The following ABHD17C variants were observed in gnomAD, a reference collection of about 807,000 sequenced individuals.
ABHD17C encodes abhydrolase domain containing 17C, depalmitoylase.
Under a neutral mutation model 27.9 loss-of-function variants are expected in ABHD17C, and 11 were observed. The ratio of observed to expected loss-of-function variants is 0.39; its 90% confidence interval spans 0.25 to 0.65. The LOEUF (loss-of-function observed/expected upper bound fraction) is 0.65. Among genes scored for constraint, ABHD17C ranks in the 30% least tolerant of loss-of-function variants. The probability of loss-of-function intolerance (pLI) is 0.45; values close to 1 mark genes in which losing one functional copy is unlikely to be tolerated. For missense variants in ABHD17C, 280 were observed against 470.2 expected, an observed-to-expected ratio of 0.60 and a Z score of 3.74; for synonymous variants, 233 against 209.1, an observed-to-expected ratio of 1.11 and a Z score of -0.98.
At chr15:80,702,255 C>T (rs1025528596) in intron 1 of ABHD17C, among the ~76,000 whole-genome samples, 2 of 152,086 alleles carry the variant, frequency 1.3e-5, no homozygotes, top group African/African-American at 4.8e-5. Context: ...GTCTCAGTTA[C>T]TGGGAGGCTG....
chr15:80,752,194 T>C (rs1218895508), intron 2 of ABHD17C, among the ~76,000 whole-genome samples: 4 of 152,204 alleles, frequency 2.6e-5, no homozygotes, highest in African/African-American at 9.6e-5. Context: ...TTTTTAATTG[T>C]GTATAATTGA....
At chr15:80,703,605 A>G (rs1894603918) in intron 1 of ABHD17C, 1 of 152,166 alleles carries the variant, frequency 6.6e-6, no homozygotes, top group African/African-American at 2.4e-5. Flanking sequence ...AGAATCTCCT[A>G]GGTAGATTTT....
intron 1 of ABHD17C, among the ~76,000 whole-genome samples, chr15:80,712,989 C>T (rs533146141): frequency 2.6e-5 from 4 of 152,228 alleles, no homozygotes; most frequent in African/African-American, 9.6e-5. Flanking sequence ...ATGGCGGTCT[C>T]ATCACCTGCA....
At position 80,695,472 on chromosome 15, in the gene ABHD17C, G is replaced by T. The variant is rs1351638041; in HGVS notation, c.43G>T (p.Glu15Ter). The T allele has an allele frequency of 7.2e-7, 1 of 1,382,826 alleles. No homozygotes were observed. The allele number at this position is 1,382,826 out of a possible 1,614,324, so 85.7% of individuals were successfully genotyped here. The change falls in exon 1 of 3, where the codon GAG becomes TAG. Residue 15 changes from glutamate to a stop codon, truncating the protein, a stop_gained. Transcript: ENST00000258884. LOFTEE classifies it high-confidence loss of function. The surrounding 1 kb of genome is among the most constrained non-coding windows in gnomAD (Gnocchi z 4.3). ...GPRMNGFSLG[E>*]LCWLFCCPPC... ...CAGGATGAACGGCTTCTCGCTGGGT[G>T]AGCTGTGCTGGCTCTTCTGCTGCCC...
At chr15:80,717,155 T>G (rs1894813720) in intron 1 of ABHD17C, among the ~76,000 whole-genome samples, 1 of 152,112 alleles carries the variant, frequency 6.6e-6, no homozygotes. Context: ...TAAATGACAT[T>G]TATTTCTGGG....
intron 1 of ABHD17C, among the ~76,000 whole-genome samples, chr15:80,712,987 C>T (rs1030130482): frequency 5.3e-5 from 8 of 152,090 alleles, no homozygotes; most frequent in African/African-American, 1.7e-4. Context: ...CCATGGCGGT[C>T]TCATCACCTG....
At chr15:80,739,270 T>A (rs1895173900) in intron 1 of ABHD17C, among the ~76,000 whole-genome samples, 1 of 152,168 alleles carries the variant, frequency 6.6e-6, no homozygotes. Context: ...ACCTGTGAGC[T>A]CTCTTTCATC....
intron 1 of ABHD17C, among the ~76,000 whole-genome samples, chr15:80,740,668 A>G (rs1034280134): frequency 6.6e-6 from 1 of 152,138 alleles, no homozygotes; most frequent in African/African-American, 2.4e-5. Flanking sequence ...CAGCATTCTC[A>G]TCATTAATAT....
intron 1 of ABHD17C, among the ~76,000 whole-genome samples, chr15:80,739,341 T>C (rs1011920737): frequency 6.6e-6 from 1 of 152,114 alleles, no homozygotes; most frequent in African/African-American, 2.4e-5. Flanking sequence ...CTGCCCTACA[T>C]GTTGAATTTT....
chr15:80,707,461 A>G (rs904274632), intron 1 of ABHD17C, among the ~76,000 whole-genome samples: 11 of 152,190 alleles, frequency 7.2e-5, no homozygotes, highest in African/African-American at 2.7e-4. Flanking sequence ...TGGTGGATCT[A>G]GATCAGAGCT....
At chr15:80,716,190 C>T (rs528720297) in intron 1 of ABHD17C, among the ~76,000 whole-genome samples, 1 of 152,256 alleles carries the variant, frequency 6.6e-6, no homozygotes, top group African/African-American at 2.4e-5. Flanking sequence ...CTTTTATCTT[C>T]CAAGAGCATG....
intron 1 of ABHD17C, among the ~76,000 whole-genome samples, chr15:80,714,393 CTGT>C (rs1194462628): frequency 2.0e-5 from 3 of 152,218 alleles, no homozygotes; most frequent in African/African-American, 4.8e-5. Context: ...GAGGCACAAA[CTGT>C]TGTTGTCTCC....
chr15:80,696,354 G>A (rs1478375149), intron 1 of ABHD17C, among the ~76,000 whole-genome samples: 1 of 152,186 alleles, frequency 6.6e-6, no homozygotes, highest in Non-Finnish European at 1.5e-5. Context: ...CTTAAGTACC[G>A]GGCAGAAAGA....
At chr15:80,722,321 C>CT (rs397964136) in intron 1 of ABHD17C, among the ~76,000 whole-genome samples, 14,631 of 105,080 alleles carry the variant, frequency 0.14, 1,326 homozygotes, top group East Asian at 0.6. Flanking sequence ...CCAAAGGAAT[C>CT]TTTTTTTTTT....
intron 1 of ABHD17C, among the ~76,000 whole-genome samples, chr15:80,735,787 C>G (rs1364987745): frequency 6.6e-6 from 1 of 152,172 alleles, no homozygotes; most frequent in African/African-American, 2.4e-5. Context: ...TGAACTTGAC[C>G]ATAATATTAA....
intron 1 of ABHD17C, among the ~76,000 whole-genome samples, chr15:80,719,206 C>T (rs1894853614): frequency 6.6e-6 from 1 of 152,210 alleles, no homozygotes; most frequent in Admixed American, 6.5e-5. Context: ...CCTCTTGACT[C>T]CTAATAACCA....
intron 1 of ABHD17C, among the ~76,000 whole-genome samples, chr15:80,743,688 T>G (rs1895241715): frequency 6.6e-6 from 1 of 152,090 alleles, no homozygotes; most frequent in Non-Finnish European, 1.5e-5. Context: ...GCTCAGGTGA[T>G]CCTCCCACCT....
chr15:80,711,385 G>A (rs938776191), intron 1 of ABHD17C, among the ~76,000 whole-genome samples: 1 of 152,180 alleles, frequency 6.6e-6, no homozygotes. Context: ...TTTCCCCCAA[G>A]ATTTCTTTCC....
chr15:80,704,561 C>T (rs1470968059), intron 1 of ABHD17C: 10 of 147,214 alleles, frequency 6.8e-5, no homozygotes, highest in East Asian at 1.9e-4. Flanking sequence ...TAAATACATA[C>T]GGCAAAAAAA....
Sources: allele counts gnomAD v4.1 joint callset (sites outside exome capture counted in the v4.1 genomes callset), GRCh38; gene constraint gnomAD v4.1.1; non-coding constraint Gnocchi (gnomAD v3.1); transcripts MANE v1.5; gene names NCBI Gene and HGNC (gene_info 2026-07-23, HGNC 2026-07-21).